CDH13: variants seen among roughly 807,000 people sequenced by gnomAD.
The protein encoded by CDH13 is cadherin 13, also known as cadherin-13.
Under a neutral mutation model 63.8 loss-of-function variants are expected in CDH13, and 24 were observed. The ratio of observed to expected loss-of-function variants is 0.38; its 90% CI spans 0.27 to 0.53. The LOEUF (loss-of-function observed/expected upper bound fraction) is 0.53. CDH13 is among the 20% of genes least tolerant of loss of function. The pLI is 0.85. For missense variants in CDH13, 1,049 were observed against 903.1 expected, an observed-to-expected ratio of 1.16 and a Z score of -2.07; for synonymous variants, 503 against 355.3, an observed-to-expected ratio of 1.42 and a Z score of -4.67.
intron 2 of CDH13, chr16:82,884,433 G>A (rs1254516938): frequency 6.5e-6 from 2 of 309,166 alleles, no homozygotes; most frequent in Non-Finnish European, 1.3e-5. Context: ...AAAGCAAGAT[G>A]CTTAGTTAAC....
At chr16:83,380,666 T>A (rs1306656975) in intron 6 of CDH13, among the ~76,000 whole-genome samples, 1 of 152,132 alleles carries the variant, frequency 6.6e-6, no homozygotes, top group East Asian at 1.9e-4. Context: ...TGGCTCAAGG[T>A]GGCTGATTGG....
At chr16:83,375,342 G>A (rs1311652483) in intron 6 of CDH13, among the ~76,000 whole-genome samples, 1 of 152,212 alleles carries the variant, frequency 6.6e-6, no homozygotes, top group Non-Finnish European at 1.5e-5. Flanking sequence ...ATGGTTTGTG[G>A]TTGTCTGTGT....
chr16:83,737,166 C>T, intron 10 of CDH13, among the ~76,000 whole-genome samples: 1 of 152,182 alleles, frequency 6.6e-6, no homozygotes, highest in East Asian at 1.9e-4. Context: ...CCCTTTCCTG[C>T]CCACTATTGA....
chr16:82,707,438 A>T (rs762250621), intron 1 of CDH13, among the ~76,000 whole-genome samples: 1 of 152,244 alleles, frequency 6.6e-6, no homozygotes, highest in Admixed American at 6.5e-5. Flanking sequence ...CAGAAGGAGT[A>T]AGAAGTATCC....
intron 7 of CDH13, among the ~76,000 whole-genome samples, chr16:83,513,035 A>G (rs1369447219): frequency 6.6e-6 from 1 of 152,078 alleles, no homozygotes; most frequent in East Asian, 1.9e-4. Context: ...AAGAAAAAAA[A>G]AAAGGCATAA....
chr16:83,600,535 T>C (rs958468134), intron 7 of CDH13, among the ~76,000 whole-genome samples: 13 of 152,234 alleles, frequency 8.5e-5, no homozygotes, highest in African/African-American at 3.1e-4. Context: ...AAATTTACCA[T>C]GTAAACTTAG....
At chr16:83,220,670 A>AG (rs758281599) in intron 5 of CDH13, among the ~76,000 whole-genome samples, 345 of 150,688 alleles carry the variant, frequency 2.3e-3, no homozygotes, top group Admixed American at 4.2e-3. Flanking sequence ...AAAAAGAAAA[A>AG]GAAAAAAAAA....
chr16:83,321,875 C>T (rs537821919), intron 5 of CDH13, among the ~76,000 whole-genome samples: 1 of 152,144 alleles, frequency 6.6e-6, no homozygotes, highest in African/African-American at 2.4e-5. Context: ...TGTCAGCAGA[C>T]AAGTTTTTAA....
intron 2 of CDH13, among the ~76,000 whole-genome samples, chr16:82,996,687 A>G (rs77905273): frequency 0.014 from 2,131 of 152,304 alleles, 26 homozygotes; most frequent in Non-Finnish European, 0.022. Context: ...TTTATTTAGG[A>G]TATCTTAGAA....
intron 2 of CDH13, among the ~76,000 whole-genome samples, chr16:82,977,977 C>T (rs1597343826): frequency 6.6e-6 from 1 of 152,210 alleles, no homozygotes. Flanking sequence ...TTGGGGTGGT[C>T]TCAAATGAAG....
At chr16:83,421,819 C>A (rs531047034) in intron 6 of CDH13, among the ~76,000 whole-genome samples, 1 of 152,168 alleles carries the variant, frequency 6.6e-6, no homozygotes, top group Non-Finnish European at 1.5e-5. Context: ...TTCTTTCAGA[C>A]ATTGAAATGC....
chr16:82,695,136 C>G (rs890385810), intron 1 of CDH13, among the ~76,000 whole-genome samples: 1 of 151,982 alleles, frequency 6.6e-6, no homozygotes, highest in Non-Finnish European at 1.5e-5. Flanking sequence ...GATCCTGAAG[C>G]GGAGGCTGGT....
At chr16:82,630,371 G>A (rs1461555882) in intron 1 of CDH13, among the ~76,000 whole-genome samples, 2 of 152,142 alleles carry the variant, frequency 1.3e-5, no homozygotes, top group East Asian at 1.9e-4. Flanking sequence ...TTAATAAACT[G>A]CAAAGCTGAG....
At chr16:82,754,675 T>C (rs971839892) in intron 1 of CDH13, among the ~76,000 whole-genome samples, 5 of 152,236 alleles carry the variant, frequency 3.3e-5, no homozygotes, top group Non-Finnish European at 7.3e-5. Context: ...TTTATTTGGA[T>C]TTCTAAGCAG....
chr16:83,699,239 C>T (rs1015630681), intron 10 of CDH13, among the ~76,000 whole-genome samples: 2 of 152,238 alleles, frequency 1.3e-5, no homozygotes, highest in South Asian at 2.1e-4. Flanking sequence ...CATTCTGCCT[C>T]CTGTTGCCAA....
intron 7 of CDH13, among the ~76,000 whole-genome samples, chr16:83,498,626 A>C (rs1049587222): frequency 6.6e-6 from 1 of 152,166 alleles, no homozygotes; most frequent in Admixed American, 6.5e-5. Flanking sequence ...ACAGAGATAG[A>C]GACCTCAATG....
At chr16:83,460,275 C>A (rs549541911) in intron 6 of CDH13, among the ~76,000 whole-genome samples, 71 of 152,322 alleles carry the variant, frequency 4.7e-4, no homozygotes, top group African/African-American at 1.6e-3. Flanking sequence ...AAAACAGAGA[C>A]CCTCGCTGAC....
chr16:82,642,765 C>A (rs140894715), intron 1 of CDH13, among the ~76,000 whole-genome samples: 3 of 152,146 alleles, frequency 2.0e-5, no homozygotes, highest in Admixed American at 6.5e-5. Context: ...TTGAACCAGG[C>A]CTGGTGTGAG....
At chr16:82,864,484 T>G (rs545890701) in intron 2 of CDH13, among the ~76,000 whole-genome samples, 1 of 152,162 alleles carries the variant, frequency 6.6e-6, no homozygotes, top group East Asian at 1.9e-4. Context: ...GGCACCTTCT[T>G]CAGAAGGTGG....
Sources: gnomAD v4.1 joint callset for allele counts (sites outside exome capture counted in the v4.1 genomes callset) on GRCh38, gnomAD v4.1.1 for gene constraint, MANE v1.5 for transcripts, NCBI Gene and HGNC (gene_info 2026-07-23, HGNC 2026-07-21) for gene names.